CAGE1: variants seen among roughly 807,000 people sequenced by gnomAD.
The protein encoded by CAGE1 is cancer-associated gene 1 protein.
Under a neutral mutation model 94.9 loss-of-function variants are expected in CAGE1, and 66 were observed. The ratio of observed to expected loss-of-function variants is 0.70; its 90% CI spans 0.57 to 0.85. The LOEUF (loss-of-function observed/expected upper bound fraction) is 0.85, where lower values mean the gene tolerates loss of function less well. Ranked by LOEUF, CAGE1 falls within the 40% of genes least tolerant of loss-of-function variation. CAGE1 has a pLI of 0.00. For missense variants in CAGE1, 865 were observed against 950.4 expected, an observed-to-expected ratio of 0.91 and a Z score of 1.18; for synonymous variants, 319 against 321.0, an observed-to-expected ratio of 0.99 and a Z score of 0.07.
intron 9 of CAGE1, among the ~76,000 whole-genome samples, chr6:7,357,443 C>A (rs190602737): frequency 5.3e-5 from 8 of 152,260 alleles, no homozygotes; most frequent in Admixed American, 5.2e-4. Context: ...AATTCCTTCT[C>A]AATTTCTCTT....
At chr6:7,368,252 C>CAG (rs748549480) in intron 7 of CAGE1, among the ~76,000 whole-genome samples, 3 of 84,418 alleles carry the variant, frequency 3.6e-5, no homozygotes, top group African/African-American at 4.6e-5. Flanking sequence ...GACTCTGTCT[C>CAG]AAAAAAAAAA....
At chr6:7,358,027 G>GATATAGATATATATATAT (rs1748233178) in intron 9 of CAGE1, among the ~76,000 whole-genome samples, 2 of 48,074 alleles carry the variant, frequency 4.2e-5, no homozygotes, top group South Asian at 1.1e-3. Context: ...TAAGTTTTGA[G>GATATAGATATATATATAT]ATATATATAT....
Position 7,362,942 on chromosome 6 carries a change from TA to T in CAGE1, c.2193+2525del, listed in dbSNP as rs1489656532. ...TTTAAAGCAAACCTTGCCATCATAT[TA>T]ATTCACTCATAAATACTTTTCAAAA... On this transcript the variant is annotated intron_variant, in intron 9 of 13. Transcript: ENST00000502583. The surrounding 1 kb of genome is among the most constrained non-coding windows in gnomAD (Gnocchi z 4.1). Among the ~76,000 whole-genome samples, 1 of 152,130 alleles carries T rather than the reference TA, an allele frequency of 6.6e-6. No homozygotes were observed. Among genetic ancestry groups the T allele is most frequent in the East Asian group, 1.9e-4 (1 of 5,184 alleles).
chr6:7,372,123 T>C (rs767579807), intron 5 of CAGE1, among the ~76,000 whole-genome samples: 4 of 152,196 alleles, frequency 2.6e-5, no homozygotes, highest in Non-Finnish European at 4.4e-5. Context: ...CATGCAATTA[T>C]ATTATTTTGT....
chr6:7,377,651 C>G (rs1179749084), intron 4 of CAGE1, among the ~76,000 whole-genome samples: 2 of 152,084 alleles, frequency 1.3e-5, no homozygotes, highest in African/African-American at 4.8e-5. Context: ...GCAGGACAAT[C>G]GCTTGAATCC....
At chr6:7,377,870 G>A (rs1054414279) in intron 4 of CAGE1, among the ~76,000 whole-genome samples, 2 of 151,832 alleles carry the variant, frequency 1.3e-5, no homozygotes, top group Admixed American at 6.6e-5. Flanking sequence ...ATATACTGTC[G>A]GTATCTTCAG....
intron 2 of CAGE1, among the ~76,000 whole-genome samples, chr6:7,386,260 T>C (rs1761117394): frequency 6.6e-6 from 1 of 152,238 alleles, no homozygotes; most frequent in Non-Finnish European, 1.5e-5. Flanking sequence ...AAAACAGGCA[T>C]ATATCTTTGA....
intron 12 of CAGE1, among the ~76,000 whole-genome samples, chr6:7,333,656 A>G (rs368815720): frequency 1.6e-5 from 2 of 124,680 alleles, no homozygotes; most frequent in Non-Finnish European, 3.2e-5. Context: ...ATATATATAT[A>G]TATATATATA....
Position 7,339,249 on chromosome 6 carries a change from T to C in CAGE1, c.2370-5159A>G. The stretch of plus-strand genomic sequence containing the variant: ...CACAGCAAGCCCTCCTAGGAGTTTG[T>C]AAGGCAGAGACTCTGCCTGGGCAAT... On this transcript the variant is annotated intron_variant, in intron 11 of 13. Transcript: ENST00000502583. The surrounding 1 kb of genome is among the most constrained non-coding windows in gnomAD (Gnocchi z 4.7). 6.3e-7 allele frequency: 1 copy of C among 1,580,988 alleles called. No homozygotes were observed.
In CAGE1 at chr6:7,345,824, C is replaced by T. The variant is rs1340075769; in HGVS notation, c.2369+9217G>A. Among the ~76,000 whole-genome samples the T allele has an allele frequency of 3.3e-5, 5 of 152,090 alleles. No homozygotes were observed. The East Asian group carries it at 9.6e-4, about 29-fold the overall frequency. On this transcript the variant is annotated intron_variant, in intron 11 of 13. Transcript: ENST00000502583. ...CCCATAGTCCCAGCTACTTGGGAGG[C>T]TGAGGCAGGAGAATGGTGTGAACCC...
At position 7,389,334 on chromosome 6, in the gene CAGE1, C is replaced by T; in HGVS notation, c.-156G>A. On this transcript the variant is annotated 5_prime_UTR_variant, in exon 1 of 14. Transcript: ENST00000502583. ...CACGCTACGGACCTGGCTCTCCCTC[C>T]CTCTGCACCGGGTTTTGTGGGAGGG... is the stretch of plus-strand genomic sequence containing the variant. 2.2e-6 allele frequency: 1 copy of T among 456,288 alleles called. No individual in the cohort carries two copies. Among genetic ancestry groups the T allele is most frequent in the Non-Finnish European group, 4.4e-6 (1 of 226,952 alleles). The allele number at this position is 456,288 out of a possible 1,614,324, so 28.3% of individuals were successfully genotyped here. A position where few individuals can be genotyped will look rare whatever the true frequency, so the allele number is the denominator to read the frequency against.
intron 13 of CAGE1, chr6:7,329,287 A>T (rs1758657409): frequency 5.2e-6 from 2 of 382,122 alleles, no homozygotes; most frequent in Middle Eastern, 3.2e-4. Context: ...AAGAAAAAAA[A>T]ATCGCTTGCT....
chr6:7,389,676 C>T lies in CAGE1; in HGVS notation c.-498G>A. 2.3e-6 allele frequency: 1 copy of T among 441,612 alleles called. No individual in the cohort carries two copies. The highest frequency in any genetic ancestry group is 4.2e-6 in the Non-Finnish European group (1 of 239,168). 27.4% of individuals were successfully genotyped at this position (441,612 alleles called of 1,614,324 possible). A position where few individuals can be genotyped will look rare whatever the true frequency, so the allele number is the denominator to read the frequency against. ...AGCACGGGCCTCGCCGTGCCGGCTACTCAACACGCCTTCCTGAGAGCACAG... is the reference window on the plus strand; with the variant it reads ...AGCACGGGCCTCGCCGTGCCGGCTATTCAACACGCCTTCCTGAGAGCACAG... On this transcript the variant is annotated 5_prime_UTR_variant, in exon 1 of 14. Transcript: ENST00000502583.
chr6:7,341,500 G>A (rs987425424), intron 11 of CAGE1: 2 of 1,218,372 alleles, frequency 1.6e-6, no homozygotes, highest in African/African-American at 1.5e-5. Context: ...CGAGTCTGAG[G>A]AGTAGATGTC....
At chr6:7,359,537 A>ATGT (rs1760101701) in intron 9 of CAGE1, among the ~76,000 whole-genome samples, 1 of 152,248 alleles carries the variant, frequency 6.6e-6, no homozygotes, top group East Asian at 1.9e-4. Context: ...CTGAACACAC[A>ATGT]TGTTGGGTCA....
At chr6:7,341,210 G>T in intron 11 of CAGE1, 1 of 656,398 alleles carries the variant, frequency 1.5e-6, no homozygotes, top group Non-Finnish European at 2.8e-6. Flanking sequence ...CACAGCTTGT[G>T]CTAGGTGATG....
rs1246547709 is a variant in CAGE1, at chr6:7,326,854, T to G, written c.*4A>C. The G allele has an allele frequency of 6.4e-7, 1 of 1,565,406 alleles. No individual in the cohort carries two copies. The highest frequency in any genetic ancestry group is 8.8e-7 in the Non-Finnish European group (1 of 1,136,134). ...AATGATTACTGTTTAATCTTCAGGC[T>G]TGTTTAATCTAAATCATTTCTATTT... On this transcript the variant is annotated 3_prime_UTR_variant, in exon 14 of 14. Transcript: ENST00000502583.
At position 7,341,401 on chromosome 6, in the gene CAGE1, T is replaced by C. The variant is rs183953545; in HGVS notation, c.2370-7311A>G. 3.2e-4 allele frequency: 272 copies of C among 861,164 alleles called. 2 individuals carry two copies. In the African/African-American group the frequency reaches 4.2e-3, roughly 13 times the overall value. 53.3% of individuals were successfully genotyped at this position (861,164 alleles called of 1,614,324 possible). A position where few individuals can be genotyped will look rare whatever the true frequency, so the allele number is the denominator to read the frequency against. ...ATGCTTAGGACACTGTGGAATGTGA[T>C]GGATTCATCAAAAACACAGATAGCA... On this transcript the variant is annotated intron_variant, in intron 11 of 13. Transcript: ENST00000502583.
chr6:7,356,183 A>G (rs1231690028), intron 9 of CAGE1, 54 bp from the exon 10 acceptor site: 7 of 918,804 alleles, frequency 7.6e-6, no homozygotes, highest in African/African-American at 5.0e-5. Flanking sequence ...GGAAAGCTAT[A>G]TATGGATGCC....
Sources: allele counts gnomAD v4.1 joint callset (sites outside exome capture counted in the v4.1 genomes callset), GRCh38; gene constraint gnomAD v4.1.1; non-coding constraint Gnocchi (gnomAD v3.1); transcripts MANE v1.5; gene names NCBI Gene and HGNC (gene_info 2026-07-23, HGNC 2026-07-21).